Variants in EFCAB6 observed in about 807,000 individuals in gnomAD.
EFCAB6 encodes the protein EF-hand calcium-binding domain-containing protein 6.
Under a neutral mutation model 169.8 loss-of-function variants are expected in EFCAB6, and 156 were observed. The observed-to-expected ratio is 0.92, with a 90% CI of 0.81 to 1.05. The LOEUF (loss-of-function observed/expected upper bound fraction) is 1.05, where lower values mean the gene tolerates loss of function less well. Among genes scored for constraint, EFCAB6 ranks in the 50% least tolerant of loss-of-function variants. The pLI, the probability that EFCAB6 is intolerant of heterozygous loss-of-function variation, is 0.00. For missense variants in EFCAB6, 1,800 were observed against 1,829.1 expected, an observed-to-expected ratio of 0.98 and a Z score of 0.29; for synonymous variants, 698 against 676.4, an observed-to-expected ratio of 1.03 and a Z score of -0.50.
chr22:43,573,539 C>G (rs1048434794), intron 26 of EFCAB6, among the ~76,000 whole-genome samples: 2 of 151,828 alleles, frequency 1.3e-5, no homozygotes, highest in African/African-American at 4.8e-5. Flanking sequence ...GAGACTAGCC[C>G]GACCAACATG....
intron 2 of EFCAB6, among the ~76,000 whole-genome samples, chr22:43,806,205 A>C: frequency 5.4e-5 from 4 of 73,548 alleles, no homozygotes; most frequent in Admixed American, 1.8e-4. Context: ...AGGGGAGGGG[A>C]GGGGAAGGGA....
At chr22:43,538,267 TG>T (rs1259045073) in intron 28 of EFCAB6, among the ~76,000 whole-genome samples, 1 of 152,238 alleles carries the variant, frequency 6.6e-6, no homozygotes, top group Non-Finnish European at 1.5e-5. Context: ...CAGGAAATCC[TG>T]TTGGCTCTAC....
At chr22:43,566,840 G>C (rs2049468373) in intron 26 of EFCAB6, among the ~76,000 whole-genome samples, 1 of 135,330 alleles carries the variant, frequency 7.4e-6, no homozygotes, top group Non-Finnish European at 1.6e-5. Flanking sequence ...GGCAAGCAAG[G>C]GTGGAGTGGA....
At chr22:43,561,871 A>C (rs2049059916) in intron 26 of EFCAB6, among the ~76,000 whole-genome samples, 1 of 152,216 alleles carries the variant, frequency 6.6e-6, no homozygotes, top group Non-Finnish European at 1.5e-5. Context: ...GACACGTTCC[A>C]ATATTAACTG....
At chr22:43,726,748 T>C (rs2059752892) in intron 8 of EFCAB6, among the ~76,000 whole-genome samples, 1 of 152,178 alleles carries the variant, frequency 6.6e-6, no homozygotes, top group Non-Finnish European at 1.5e-5. Flanking sequence ...GGCCAACTCC[T>C]GAACTATAGA....
rs1367731302 is a variant in EFCAB6, at chr22:43,576,523, C to T, written c.3229-35G>A. ...AAGAAAAGAAAAAAAGATGGCAAATCCTGTCAAATGAATACTTCTAAAACA... is the reference window on the plus strand; with the variant it reads ...AAGAAAAGAAAAAAAGATGGCAAATTCTGTCAAATGAATACTTCTAAAACA... On this transcript the variant is annotated intron_variant, in intron 25 of 31. Transcript: ENST00000262726. 3.4e-6 allele frequency: 5 copies of T among 1,490,982 alleles called. No individual in the cohort carries two copies. In the African/African-American group the frequency reaches 4.3e-5, roughly 13 times the overall value. 92.4% of individuals were successfully genotyped at this position (1,490,982 alleles called of 1,614,324 possible). A position where few individuals can be genotyped will look rare whatever the true frequency, so the allele number is the denominator to read the frequency against.
intron 22 of EFCAB6, among the ~76,000 whole-genome samples, chr22:43,605,905 C>A (rs79879730): frequency 6.6e-6 from 1 of 152,160 alleles, no homozygotes; most frequent in African/African-American, 2.4e-5. Context: ...CAGGAAGTAG[C>A]TCATCTAATG....
intron 26 of EFCAB6, among the ~76,000 whole-genome samples, chr22:43,564,048 G>A (rs5764419): frequency 0.62 from 93,829 of 152,128 alleles, 29,201 homozygotes; most frequent in East Asian, 0.76. Context: ...CTGGGCTTCC[G>A]TCCTCCATCT....
At chr22:43,638,983 C>G (rs1031902645) in intron 17 of EFCAB6, among the ~76,000 whole-genome samples, 2 of 151,644 alleles carry the variant, frequency 1.3e-5, no homozygotes, top group Non-Finnish European at 2.9e-5. Flanking sequence ...TGGGGTTTCT[C>G]CATGTTGATC....
At chr22:43,784,026 G>T (rs561610980) in intron 2 of EFCAB6, among the ~76,000 whole-genome samples, 38 of 152,232 alleles carry the variant, frequency 2.5e-4, no homozygotes, top group African/African-American at 6.7e-4. Flanking sequence ...CCGTGATTAC[G>T]CCACTGCACT....
At chr22:43,558,411 AT>A (rs57234106) in intron 26 of EFCAB6, among the ~76,000 whole-genome samples, 5,500 of 147,074 alleles carry the variant, frequency 0.037, 358 homozygotes, top group African/African-American at 0.13. Flanking sequence ...GGCATACCTC[AT>A]TTTTTTTTTT....
At chr22:43,786,668 C>T (rs1194475615) in intron 2 of EFCAB6, among the ~76,000 whole-genome samples, 6 of 151,812 alleles carry the variant, frequency 4.0e-5, no homozygotes, top group South Asian at 2.1e-4. Flanking sequence ...GAGCCAAGAT[C>T]GCGCCACTGC....
intron 6 of EFCAB6, 117 bp from the exon 7 acceptor site, chr22:43,736,110 C>T: frequency 9.4e-7 from 1 of 1,058,686 alleles, no homozygotes; most frequent in Non-Finnish European, 1.3e-6. Flanking sequence ...TTTTCAAAGA[C>T]TCACAGTGGT....
At chr22:43,788,027 AG>A (rs1186447080) in intron 2 of EFCAB6, among the ~76,000 whole-genome samples, 2 of 152,164 alleles carry the variant, frequency 1.3e-5, no homozygotes, top group African/African-American at 2.4e-5. Flanking sequence ...TTCAACGAAC[AG>A]CGCCAAAGAG....
At chr22:43,607,052 G>T (rs1335124903) in intron 22 of EFCAB6, among the ~76,000 whole-genome samples, 3 of 152,074 alleles carry the variant, frequency 2.0e-5, no homozygotes, top group Admixed American at 6.5e-5. Context: ...TTCCTAAACC[G>T]CAGCTCTGTT....
At chr22:43,680,483 GA>G (rs137789) in intron 12 of EFCAB6, among the ~76,000 whole-genome samples, 17 of 145,520 alleles carry the variant, frequency 1.2e-4, no homozygotes, top group Non-Finnish European at 1.8e-4. Flanking sequence ...CAAAAAAAAA[GA>G]AAAAAAAAAG....
intron 23 of EFCAB6, 39 bp downstream of exon 23, chr22:43,600,030 G>A (rs2052377272): frequency 6.3e-7 from 1 of 1,583,198 alleles, no homozygotes; most frequent in Non-Finnish European, 8.6e-7. Flanking sequence ...TGTAAAAGGG[G>A]ACTTCTAGAT....
chr22:43,576,886 A>G (rs6006640), intron 25 of EFCAB6, among the ~76,000 whole-genome samples: 43,929 of 151,868 alleles, frequency 0.29, 6,842 homozygotes, highest in East Asian at 0.62. Context: ...ACTTCCTTTA[A>G]GTATTAATTA....
intron 23 of EFCAB6, among the ~76,000 whole-genome samples, chr22:43,594,833 T>G (rs1330037286): frequency 1.3e-5 from 2 of 152,212 alleles, no homozygotes; most frequent in African/African-American, 4.8e-5. Flanking sequence ...GAATACAGAT[T>G]CTTTTCATCA....
Sources: allele counts gnomAD v4.1 joint callset (sites outside exome capture counted in the v4.1 genomes callset), GRCh38; gene constraint gnomAD v4.1.1; transcripts MANE v1.5; gene names NCBI Gene and HGNC (gene_info 2026-07-23, HGNC 2026-07-21).